TMEM232: variants seen among roughly 807,000 people sequenced by gnomAD.
TMEM232 encodes transmembrane protein 232.
Under a neutral mutation model 78.8 loss-of-function variants are expected in TMEM232, and 80 were observed. The observed-to-expected ratio is 1.01, with a 90% confidence interval of 0.85 to 1.22. The LOEUF is 1.22. Ranked by LOEUF, TMEM232 falls within the 50% of genes most tolerant of loss-of-function variation. The probability of loss-of-function intolerance (pLI) is 0.00; values close to 1 mark genes in which losing one functional copy is unlikely to be tolerated. For synonymous variants in TMEM232, 297 were observed against 254.3 expected (o/e 1.17, Z -1.60); for missense variants, 881 against 742.2 (o/e 1.19, Z -2.17).
At chr5:110,471,723 C>G (rs1762704196) in intron 12 of TMEM232, among the ~76,000 whole-genome samples, 1 of 151,798 alleles carries the variant, frequency 6.6e-6, no homozygotes, top group Admixed American at 6.6e-5. Context: ...TCCAGACAAG[C>G]AAAAGTTGAG....
At chr5:110,668,190 C>G (rs759754936) in intron 1 of TMEM232, among the ~76,000 whole-genome samples, 1 of 152,006 alleles carries the variant, frequency 6.6e-6, no homozygotes, top group Non-Finnish European at 1.5e-5. Context: ...ATGGGCAGAA[C>G]TACAAAACAA....
At chr5:110,455,904 T>C (rs1760846394) in intron 12 of TMEM232, among the ~76,000 whole-genome samples, 1 of 152,182 alleles carries the variant, frequency 6.6e-6, no homozygotes, top group African/African-American at 2.4e-5. Flanking sequence ...TCAATATTCA[T>C]TCATAATAAA....
At chr5:110,629,023 T>A (rs1784785951) in intron 5 of TMEM232, 1 of 152,078 alleles carries the variant, frequency 6.6e-6, no homozygotes, top group Non-Finnish European at 1.5e-5. Context: ...TTATGAAGTA[T>A]GTAAAAATAA....
intron 12 of TMEM232, among the ~76,000 whole-genome samples, chr5:110,450,746 TG>T (rs1760183779): frequency 6.6e-6 from 1 of 152,178 alleles, no homozygotes; most frequent in Admixed American, 6.5e-5. Flanking sequence ...GATGTGTTCT[TG>T]GGGCAGAGAT....
At chr5:110,519,353 T>C (rs1485449804) in intron 12 of TMEM232, among the ~76,000 whole-genome samples, 4 of 152,008 alleles carry the variant, frequency 2.6e-5, no homozygotes, top group Admixed American at 2.6e-4. Flanking sequence ...AGAAGAAGCA[T>C]AAGGTACTGA....
intron 12 of TMEM232, among the ~76,000 whole-genome samples, chr5:110,467,757 A>T (rs1191540209): frequency 6.6e-6 from 1 of 152,186 alleles, no homozygotes; most frequent in Non-Finnish European, 1.5e-5. Context: ...ATAAAAATAT[A>T]TTTTCACACA....
intron 12 of TMEM232, among the ~76,000 whole-genome samples, chr5:110,464,950 C>T (rs1003281732): frequency 3.9e-5 from 6 of 152,102 alleles, no homozygotes; most frequent in Non-Finnish European, 8.8e-5. Flanking sequence ...TACTAATGCC[C>T]ATCATGGTAA....
chr5:110,631,699 G>A (rs1785153741), intron 5 of TMEM232, among the ~76,000 whole-genome samples: 1 of 152,180 alleles, frequency 6.6e-6, no homozygotes, highest in Non-Finnish European at 1.5e-5. Context: ...TACCACTACA[G>A]TGCTGCTACA....
At chr5:110,589,543 T>C (rs139907228) in intron 10 of TMEM232, among the ~76,000 whole-genome samples, 36 of 152,296 alleles carry the variant, frequency 2.4e-4, no homozygotes, top group African/African-American at 8.2e-4. Flanking sequence ...AGGCAGTTAT[T>C]AGTATGGACT....
At chr5:110,610,106 G>A (rs766644850) in intron 8 of TMEM232, among the ~76,000 whole-genome samples, 2 of 151,070 alleles carry the variant, frequency 1.3e-5, no homozygotes, top group African/African-American at 4.9e-5. Flanking sequence ...AGTTGAGGAA[G>A]TTAACTACAG....
At position 110,667,288 on chromosome 5, in the gene TMEM232, T is replaced by C; in HGVS notation, c.65A>G (p.His22Arg). 1.9e-6 allele frequency: 3 copies of C among 1,546,002 alleles called. No homozygotes were observed. The highest frequency in any genetic ancestry group is 2.5e-5 in the East Asian group (1 of 40,644). ...NTCGGISSPY[H>R]EELWKLNFQH... Reference sequence around the variant, plus strand: ...AAAATTTAATTTCCAGAGCTCTTCATGATAAGGGGAAGATATGCCTCCACA... The same window carrying C: ...AAAATTTAATTTCCAGAGCTCTTCACGATAAGGGGAAGATATGCCTCCACA... The change falls in exon 2 of 14, where the codon CAT becomes CGT. Residue 22 changes from histidine to arginine, a missense_variant. Physicochemically the swap from His to Arg is conservative, Grantham distance 29 (BLOSUM62 0). Coordinates refer to ENST00000455884, the MANE Select transcript of TMEM232 (RefSeq NM_001039763.4).
At chr5:110,732,284 A>G (rs991092421) in intron 2 of TMEM232, among the ~76,000 whole-genome samples, 18 of 152,064 alleles carry the variant, frequency 1.2e-4, no homozygotes, top group Admixed American at 1.2e-3. Context: ...AGCCCTCCAA[A>G]CTATTCCAAC....
intron 12 of TMEM232, among the ~76,000 whole-genome samples, chr5:110,426,180 C>G (rs922421347): frequency 5.9e-5 from 9 of 152,050 alleles, no homozygotes; most frequent in Non-Finnish European, 1.3e-4. Flanking sequence ...CACCCTTCAG[C>G]TCTCAGTTCA....
At chr5:110,623,948 G>C (rs890148812) in intron 7 of TMEM232, among the ~76,000 whole-genome samples, 1 of 152,084 alleles carries the variant, frequency 6.6e-6, no homozygotes, top group Non-Finnish European at 1.5e-5. Context: ...TTCATGTATT[G>C]ACATTTTTGC....
At chr5:110,532,674 C>CCTT (rs1286359156) in intron 11 of TMEM232, among the ~76,000 whole-genome samples, 31 of 152,022 alleles carry the variant, frequency 2.0e-4, no homozygotes, top group Non-Finnish European at 2.8e-4. Flanking sequence ...TCATTGCTAC[C>CCTT]CTTCCCAATC....
chr5:110,517,396 C>A (rs1296520895), intron 12 of TMEM232, among the ~76,000 whole-genome samples: 1 of 152,198 alleles, frequency 6.6e-6, no homozygotes, highest in Non-Finnish European at 1.5e-5. Flanking sequence ...TTCTTCAATG[C>A]ATAGCTTAGA....
intron 12 of TMEM232, among the ~76,000 whole-genome samples, chr5:110,442,903 T>C (rs1171259429): frequency 1.3e-5 from 2 of 152,152 alleles, no homozygotes; most frequent in Non-Finnish European, 2.9e-5. Flanking sequence ...GCCTGATTCT[T>C]GTCTTTTCTC....
At chr5:110,707,946 C>G (rs544192626) in intron 1 of TMEM232, among the ~76,000 whole-genome samples, 1 of 152,284 alleles carries the variant, frequency 6.6e-6, no homozygotes, top group Non-Finnish European at 1.5e-5. Flanking sequence ...GGGAAGAACT[C>G]AGTCCTGGGA....
At chr5:110,629,878 A>T (rs925598314) in intron 5 of TMEM232, among the ~76,000 whole-genome samples, 1 of 152,212 alleles carries the variant, frequency 6.6e-6, no homozygotes, top group African/African-American at 2.4e-5. Context: ...ACTTAGAGCT[A>T]GATTGAAAGG....
Sources: gnomAD v4.1 joint callset for allele counts (sites outside exome capture counted in the v4.1 genomes callset) on GRCh38, gnomAD v4.1.1 for gene constraint, MANE v1.5 for transcripts, NCBI Gene and HGNC (gene_info 2026-07-23, HGNC 2026-07-21) for gene names.